Variants in KIAA1217 observed in about 807,000 individuals in gnomAD.
KIAA1217 encodes the protein sickle tail protein homolog.
Under a neutral mutation model 163.9 loss-of-function variants are expected in KIAA1217, and 88 were observed. The ratio of observed to expected loss-of-function variants is 0.54; its 90% CI spans 0.45 to 0.64. KIAA1217 has a LOEUF of 0.64. Ranked by LOEUF, KIAA1217 falls within the 30% of genes least tolerant of loss-of-function variation. KIAA1217 has a pLI of 0.00. For missense variants in KIAA1217, 2,372 were observed against 2,475.0 expected (o/e 0.96, Z 0.88); for synonymous variants, 903 against 923.1 (o/e 0.98, Z 0.39).
Position 24,473,644 on chromosome 10 carries a change from C to T in KIAA1217, c.1263C>T (p.Ile421=). The part of the protein sequence containing the change: ...GGHPLDVPDH[I]IAYHRTAIRS... ...ACCCACTGGATGTCCCCGACCACAT[C>T]ATTGCATATCACCGCACCGCCATCC... Residue 421 remains isoleucine, a synonymous_variant, in exon 6 of 21, where the codon ATC becomes ATT. Transcript: ENST00000376454. The T allele has an allele frequency of 6.2e-7, 1 of 1,614,168 alleles. No individual in the cohort carries two copies. The highest frequency in any genetic ancestry group is 1.1e-5 in the South Asian group (1 of 91,086).
intron 1 of KIAA1217, among the ~76,000 whole-genome samples, chr10:23,773,008 C>T (rs933720120): frequency 2.0e-5 from 3 of 152,120 alleles, no homozygotes; most frequent in East Asian, 1.9e-4. Context: ...GTTGCATTCT[C>T]GCTTATGGAG....
chr10:24,485,458 T>C (rs923535594), intron 6 of KIAA1217, among the ~76,000 whole-genome samples: 1 of 152,212 alleles, frequency 6.6e-6, no homozygotes. Context: ...TCTAACTGAC[T>C]GGCTCCTCTC....
chr10:24,068,623 A>G (rs1188624155), intron 2 of KIAA1217, among the ~76,000 whole-genome samples: 1 of 152,232 alleles, frequency 6.6e-6, no homozygotes, highest in Non-Finnish European at 1.5e-5. Context: ...CTAGCATGAC[A>G]TCAACCCAGC....
At chr10:24,495,325 T>C (rs1592395115) in intron 8 of KIAA1217, 129 bp downstream of exon 8, 119 of 662,278 alleles carry the variant, frequency 1.8e-4, no homozygotes, top group East Asian at 2.9e-5. Flanking sequence ...TCCTAGATAT[T>C]CCTGCCAATA....
chr10:24,199,067 A>G (rs1242185243), intron 2 of KIAA1217, among the ~76,000 whole-genome samples: 1 of 152,132 alleles, frequency 6.6e-6, no homozygotes, highest in Admixed American at 6.5e-5. Flanking sequence ...AAAAATTTGT[A>G]GAAAATTAGC....
chr10:23,777,613 G>A (rs186229847), intron 1 of KIAA1217, among the ~76,000 whole-genome samples: 70 of 152,076 alleles, frequency 4.6e-4, no homozygotes, highest in African/African-American at 1.6e-3. Context: ...CCTTACAGCT[G>A]AATTATTTTA....
intron 1 of KIAA1217, among the ~76,000 whole-genome samples, chr10:23,723,916 G>A (rs192252080): frequency 6.6e-6 from 1 of 152,314 alleles, no homozygotes; most frequent in African/African-American, 2.4e-5. Context: ...AGGCTGCACA[G>A]AAAGTATAGT....
chr10:24,476,026 A>G (rs1362531181), intron 6 of KIAA1217, among the ~76,000 whole-genome samples: 1 of 152,214 alleles, frequency 6.6e-6, no homozygotes, highest in Non-Finnish European at 1.5e-5. Flanking sequence ...ATAAAAGAGC[A>G]TCAGGAGCTT....
intron 1 of KIAA1217, among the ~76,000 whole-genome samples, chr10:23,950,077 G>A (rs34576188): frequency 6.6e-6 from 1 of 152,154 alleles, no homozygotes; most frequent in Non-Finnish European, 1.5e-5. Context: ...GTAAGTGATA[G>A]AGGAGAAATC....
At chr10:24,188,547 A>G (rs1314042161) in intron 2 of KIAA1217, among the ~76,000 whole-genome samples, 2 of 152,182 alleles carry the variant, frequency 1.3e-5, no homozygotes, top group Non-Finnish European at 2.9e-5. Flanking sequence ...TGAAATTGAA[A>G]TTGCAAGCAT....
chr10:23,803,778 A>G (rs946388240), intron 1 of KIAA1217, among the ~76,000 whole-genome samples: 1 of 152,138 alleles, frequency 6.6e-6, no homozygotes, highest in South Asian at 2.1e-4. Flanking sequence ...TTTTTGTTGC[A>G]TCTCATTGCT....
chr10:23,765,279 C>T (rs1335634159), intron 1 of KIAA1217, among the ~76,000 whole-genome samples: 1 of 144,906 alleles, frequency 6.9e-6, no homozygotes, highest in Admixed American at 7.2e-5. Context: ...ACTGCAAGCT[C>T]CCGGGTTCAC....
intron 1 of KIAA1217, among the ~76,000 whole-genome samples, chr10:23,930,487 G>A (rs868573413): frequency 6.6e-6 from 1 of 152,042 alleles, no homozygotes; most frequent in East Asian, 1.9e-4. Context: ...CTCTCAACTC[G>A]GCAGCAGACA....
chr10:23,929,194 A>G (rs1184852928), intron 1 of KIAA1217, among the ~76,000 whole-genome samples: 3 of 152,234 alleles, frequency 2.0e-5, no homozygotes, highest in African/African-American at 7.2e-5. Flanking sequence ...AAATTGTAAA[A>G]CACAAAATCT....
chr10:23,926,289 C>A (rs769545529), intron 1 of KIAA1217, among the ~76,000 whole-genome samples: 3 of 152,278 alleles, frequency 2.0e-5, no homozygotes, highest in African/African-American at 4.8e-5. Context: ...CAAAAGGAGG[C>A]AACAGAAGTC....
At chr10:23,701,954 C>T (rs1836479987) in intron 1 of KIAA1217, among the ~76,000 whole-genome samples, 1 of 152,064 alleles carries the variant, frequency 6.6e-6, no homozygotes, top group African/African-American at 2.4e-5. Flanking sequence ...TTTGCTTTAC[C>T]AGAGAAAAAT....
intron 2 of KIAA1217, among the ~76,000 whole-genome samples, chr10:24,115,736 T>C (rs1026877986): frequency 2.6e-5 from 4 of 152,202 alleles, no homozygotes; most frequent in Non-Finnish European, 4.4e-5. Flanking sequence ...ACTTTCATGC[T>C]TTTGCATGGC....
chr10:23,779,773 C>CACACAATA (rs1835171830), intron 1 of KIAA1217, among the ~76,000 whole-genome samples: 1 of 152,144 alleles, frequency 6.6e-6, no homozygotes, highest in Non-Finnish European at 1.5e-5. Context: ...GTAAAACACA[C>CACACAATA]ACACAATAAC....
chr10:23,782,834 T>A (rs959260727), intron 1 of KIAA1217, among the ~76,000 whole-genome samples: 1 of 152,228 alleles, frequency 6.6e-6, no homozygotes, highest in Admixed American at 6.5e-5. Flanking sequence ...AATTACTCGT[T>A]ATTATCTGAT....
Sources: gnomAD v4.1 joint callset for allele counts (sites outside exome capture counted in the v4.1 genomes callset) on GRCh38, gnomAD v4.1.1 for gene constraint, MANE v1.5 for transcripts, NCBI Gene and HGNC (gene_info 2026-07-23, HGNC 2026-07-21) for gene names.